LRRC27: variants seen among roughly 807,000 people sequenced by gnomAD.
LRRC27 encodes the protein leucine-rich repeat-containing protein 27.
LRRC27 carries 57 observed loss-of-function variants against 55.0 expected under a neutral mutation model. The observed-to-expected ratio is 1.04, with a 90% confidence interval of 0.84 to 1.29. The LOEUF (loss-of-function observed/expected upper bound fraction) is 1.29. Ranked by LOEUF, LRRC27 falls within the 50% of genes most tolerant of loss-of-function variation. The pLI is 0.00. For synonymous variants in LRRC27, 278 were observed against 251.9 expected (o/e 1.10, Z -0.98); for missense variants, 721 against 651.5 (o/e 1.11, Z -1.16).
At chr10:132,354,703 C>T (rs2132981697) in intron 7 of LRRC27, among the ~76,000 whole-genome samples, 1 of 152,334 alleles carries the variant, frequency 6.6e-6, no homozygotes, top group Admixed American at 6.5e-5. Context: ...CCCAGGAGGG[C>T]TGAGCCGCTG....
intron 10 of LRRC27, chr10:132,366,652 G>A: frequency 5.1e-6 from 1 of 196,316 alleles, no homozygotes; most frequent in Non-Finnish European, 1.0e-5. Flanking sequence ...AGCTACCCAA[G>A]GCCCCTGGCT....
At chr10:132,355,949 A>G (rs2068290229) in intron 8 of LRRC27, 63 bp downstream of exon 8, 2 of 1,168,018 alleles carry the variant, frequency 1.7e-6, no homozygotes, top group Admixed American at 2.0e-5. Context: ...GGGTGCTCAC[A>G]GGCATCCCTG....
intron 7 of LRRC27, among the ~76,000 whole-genome samples, chr10:132,354,988 A>G (rs2068241901): frequency 6.6e-6 from 1 of 152,194 alleles, no homozygotes; most frequent in Non-Finnish European, 1.5e-5. Context: ...GTTACTCGGG[A>G]CGTTCGCAGC....
chr10:132,348,456 C>A lies in LRRC27; in HGVS notation c.926+100C>A. ...ACATCAGGTCCAGCTTTTAAAGTGTCCTCCACGTTGCCACCGTTTACTGTG... is the reference window on the plus strand; with the variant it reads ...ACATCAGGTCCAGCTTTTAAAGTGTACTCCACGTTGCCACCGTTTACTGTG... On this transcript the variant is annotated intron_variant, in intron 6 of 10. Transcript: ENST00000368614. The surrounding 1 kb of genome is among the most constrained non-coding windows in gnomAD (Gnocchi z 4.2). The A allele has an allele frequency of 6.7e-7, 1 of 1,482,258 alleles. No homozygotes were observed. The highest frequency in any genetic ancestry group is 9.1e-7 in the Non-Finnish European group (1 of 1,097,808). The allele number at this position is 1,482,258 out of a possible 1,614,324, so 91.8% of individuals were successfully genotyped here.
chr10:132,351,514 T>A, intron 6 of LRRC27, 93 bp from the exon 7 acceptor site: 1 of 1,409,902 alleles, frequency 7.1e-7, no homozygotes, highest in Middle Eastern at 1.8e-4. Context: ...GAGCGGATGA[T>A]CCACAGGCCC....
intron 8 of LRRC27, among the ~76,000 whole-genome samples, chr10:132,360,760 A>G (rs1486441238): frequency 6.6e-6 from 1 of 152,186 alleles, no homozygotes; most frequent in Non-Finnish European, 1.5e-5. Flanking sequence ...ACGAGTCTCC[A>G]CATTGCAGTA....
At chr10:132,346,577 G>A (rs748753949) in intron 5 of LRRC27, among the ~76,000 whole-genome samples, 2 of 152,224 alleles carry the variant, frequency 1.3e-5, no homozygotes, top group Non-Finnish European at 2.9e-5. Flanking sequence ...TTGGGAGGCT[G>A]AGGCAGGAGA....
chr10:132,369,321 A>G (rs2069163420), intron 10 of LRRC27, among the ~76,000 whole-genome samples: 1 of 152,266 alleles, frequency 6.6e-6, no homozygotes, highest in Non-Finnish European at 1.5e-5. Flanking sequence ...CTGCACACAG[A>G]CATAGCAGCT....
intron 3 of LRRC27, 86 bp from the exon 4 acceptor site, chr10:132,342,127 A>C: frequency 1.2e-6 from 1 of 847,378 alleles, no homozygotes; most frequent in Non-Finnish European, 1.8e-6. Flanking sequence ...GAAAGAGAAG[A>C]AAAATGAAGA....
chr10:132,352,125 G>A (rs1436207916), intron 7 of LRRC27, among the ~76,000 whole-genome samples: 1 of 81,562 alleles, frequency 1.2e-5, no homozygotes, highest in Non-Finnish European at 2.8e-5. Context: ...TGGGGCAGGC[G>A]CTGAGGCCTC....
chr10:132,370,537 G>C (rs1219494270), intron 10 of LRRC27, among the ~76,000 whole-genome samples: 1 of 152,096 alleles, frequency 6.6e-6, no homozygotes, highest in Non-Finnish European at 1.5e-5. Flanking sequence ...ATTGTGTTGA[G>C]ACAGGTGGTG....
rs749003378 is a variant in LRRC27, at chr10:132,333,637, G to T, written c.113G>T (p.Gly38Val). 1.2e-6 allele frequency: 2 copies of T among 1,613,490 alleles called. No homozygotes were observed. Among genetic ancestry groups the T allele is most frequent in the Middle Eastern group, 1.8e-4 (1 of 5,492 alleles). ...PATPSKDVHK[G>V]VGGIIFSSSP... is the part of the protein sequence containing the mutation. ...ACCCCCTCCAAAGATGTTCACAAGG[G>T]TGTTGGAGGCATCATCTTTTCCTCC... Residue 38 changes from glycine (G) to valine (V), a missense_variant, in exon 2 of 11, where the codon GGT (glycine) becomes GTT (valine). Gly to Val is a moderately radical substitution (Grantham distance 109). Transcript: ENST00000368614.
chr10:132,361,498 C>T lies in LRRC27; in HGVS notation c.1212C>T (p.Asn404=). 1 of 1,613,872 alleles carries T rather than the reference C, an allele frequency of 6.2e-7. No individual in the cohort carries two copies. The highest frequency in any genetic ancestry group is 1.1e-5 in the South Asian group (1 of 91,090). ...KIPSATDLID[N]RKVPLNPPGK... is the part of the protein sequence containing the mutation. ...CCTCTGCCACAGATCTGATAGATAA[C>T]AGGAAAGTACCACTGAATCCGCCTG... The change falls in exon 9 of 11, where the codon AAC becomes AAT. Residue 404 remains asparagine (N), a synonymous_variant. Transcript: ENST00000368614.
At position 132,365,434 on chromosome 10, in the gene LRRC27, G is replaced by C. The variant is rs1374333674; in HGVS notation, c.1300G>C (p.Glu434Gln). ...QASKEMSALQERNLEEKIKQH... is the reference protein window; with the variant it reads ...QASKEMSALQQRNLEEKIKQH... ...CCCTTTGTTTCTCAGTGCCCTGCAG[G>C]AGAGAAATTTAGAAGAGAAGATAAA... is the stretch of plus-strand genomic sequence containing the variant. The change falls in exon 10 of 11, where the codon GAG becomes CAG. Residue 434 changes from glutamate (E) to glutamine (Q), a missense_variant. By Grantham distance (29) the Glu-to-Gln change is conservative. Coordinates refer to ENST00000368614, the MANE Select transcript of LRRC27 (RefSeq NM_030626.3). 2 of 1,613,620 alleles carry C rather than the reference G, an allele frequency of 1.2e-6. No individual in the cohort carries two copies. Among genetic ancestry groups the C allele is most frequent in the Non-Finnish European group, 1.7e-6 (2 of 1,179,938 alleles).
intron 8 of LRRC27, among the ~76,000 whole-genome samples, chr10:132,360,311 GT>G (rs2068551810): frequency 6.6e-6 from 1 of 152,208 alleles, no homozygotes; most frequent in Admixed American, 6.5e-5. Context: ...GGCCAGGCTG[GT>G]TTTGAACTCC....
At chr10:132,364,563 A>C (rs2068905143) in intron 9 of LRRC27, among the ~76,000 whole-genome samples, 1 of 82,386 alleles carries the variant, frequency 1.2e-5, no homozygotes, top group Non-Finnish European at 2.4e-5. Flanking sequence ...CCACACTTAC[A>C]CCCACGTCCA....
intron 10 of LRRC27, among the ~76,000 whole-genome samples, chr10:132,366,035 G>T (rs1485803565): frequency 6.6e-6 from 1 of 152,262 alleles, no homozygotes; most frequent in Admixed American, 6.5e-5. Flanking sequence ...AAACATTTCA[G>T]CCGAGGGGCT....
rs771439779 is a variant in LRRC27 at position 132,348,349 on chromosome 10, G to GT, written c.923dup (p.Arg309GlnfsTer96). ...GAAAGAACTACCAAAGCCAAGACAC[G>GT]TTTTCAGGTAAAACTGAAAAGCAAC... On this transcript the variant is annotated frameshift_variant, in exon 6 of 11. Transcript: ENST00000368614. LOFTEE classifies it high-confidence loss of function. This position sits in a 1 kb window ranked among gnomAD's most constrained non-coding sequence, Gnocchi z 4.2. 1.9e-6 allele frequency: 3 copies of GT among 1,606,840 alleles called. No homozygotes were observed. The South Asian group carries it at 3.3e-5, about 18-fold the overall frequency.
In LRRC27 at chr10:132,374,693, G is replaced by A. The variant is rs866281220; in HGVS notation, c.1417-373G>A. Among the ~76,000 whole-genome samples, 8 of 152,170 alleles carry A rather than the reference G, an allele frequency of 5.3e-5. No homozygotes were observed. The highest frequency in any genetic ancestry group is 9.7e-5 in the African/African-American group (4 of 41,424). ...GGTGATGCTTGCCAAGACACTGCCCGGGGTGTGGCATCAGCCTTCCCTTTG... is the reference window on the plus strand; with the variant it reads ...GGTGATGCTTGCCAAGACACTGCCCAGGGTGTGGCATCAGCCTTCCCTTTG... On this transcript the variant is annotated intron_variant, in intron 10 of 10. Coordinates refer to ENST00000368614, the MANE Select transcript of LRRC27 (RefSeq NM_030626.3). This position sits in a 1 kb window ranked among gnomAD's most constrained non-coding sequence, Gnocchi z 4.4.
Sources: allele counts gnomAD v4.1 joint callset (sites outside exome capture counted in the v4.1 genomes callset), GRCh38; gene constraint gnomAD v4.1.1; non-coding constraint Gnocchi (gnomAD v3.1); transcripts MANE v1.5; gene names NCBI Gene and HGNC (gene_info 2026-07-23, HGNC 2026-07-21).